ZNRF3: variants seen among roughly 807,000 people sequenced by gnomAD.
The protein encoded by ZNRF3 is E3 ubiquitin-protein ligase ZNRF3.
ZNRF3 carries 23 observed loss-of-function variants against 72.5 expected under a neutral mutation model. The ratio of observed to expected loss-of-function variants is 0.32; its 90% confidence interval spans 0.23 to 0.45. ZNRF3 has a LOEUF of 0.45. Ranked by LOEUF, ZNRF3 falls within the 20% of genes least tolerant of loss-of-function variation. The pLI is 1.00. For synonymous variants in ZNRF3, 610 were observed against 545.3 expected, an observed-to-expected ratio of 1.12 and a Z score of -1.65; for missense variants, 1,169 against 1,272.1, an observed-to-expected ratio of 0.92 and a Z score of 1.23.
At chr22:29,001,554 C>T (rs1214634356) in intron 2 of ZNRF3, among the ~76,000 whole-genome samples, 1 of 151,574 alleles carries the variant, frequency 6.6e-6, no homozygotes, top group African/African-American at 2.4e-5. Flanking sequence ...TCACTGCAAC[C>T]TCCACCTCCT....
intron 2 of ZNRF3, among the ~76,000 whole-genome samples, chr22:28,994,268 CCT>C (rs2036012773): frequency 7.0e-6 from 1 of 142,004 alleles, no homozygotes; most frequent in Non-Finnish European, 1.5e-5. Context: ...CTCACTGCAA[CCT>C]CCGCCTCCCG....
At chr22:28,998,313 G>C (rs1316316237) in intron 2 of ZNRF3, among the ~76,000 whole-genome samples, 1 of 151,914 alleles carries the variant, frequency 6.6e-6, no homozygotes, top group Admixed American at 6.6e-5. Flanking sequence ...AAAAAAGTAT[G>C]TAAAGTTCTT....
chr22:28,982,700 T>C (rs1210201454), intron 1 of ZNRF3, among the ~76,000 whole-genome samples: 1 of 152,102 alleles, frequency 6.6e-6, no homozygotes, highest in Non-Finnish European at 1.5e-5. Context: ...GAATACTCCA[T>C]CCTTGGGACA....
Position 29,049,248 on chromosome 22 carries a change from G to A in ZNRF3, c.1067G>A (p.Arg356His), listed in dbSNP as rs1346706630. ...TGTGTGGAGACCAGCAACCTCTCAC[G>A]TGGTCGGCAGCAGAGGGTGACCCTG... ...AVCVETSNLSRGRQQRVTLPV... is the reference protein window; with the variant it reads ...AVCVETSNLSHGRQQRVTLPV... The change falls in exon 8 of 9, where the codon CGT (arginine) becomes CAT (histidine). Residue 356 changes from arginine (R) to histidine (H), a missense_variant. Coordinates refer to ENST00000544604, the MANE Select transcript of ZNRF3 (RefSeq NM_001206998.2). The surrounding 1 kb of genome is among the most constrained non-coding windows in gnomAD (Gnocchi z 5.2). 3.7e-6 allele frequency: 6 copies of A among 1,613,222 alleles called. No homozygotes were observed. Among genetic ancestry groups the A allele is most frequent in the Non-Finnish European group, 4.2e-6 (5 of 1,179,564 alleles).
chr22:29,032,298 G>A (rs1488110994), intron 2 of ZNRF3, among the ~76,000 whole-genome samples: 1 of 152,184 alleles, frequency 6.6e-6, no homozygotes, highest in African/African-American at 2.4e-5. Flanking sequence ...TCCCATTCCT[G>A]CAGAATGGAT....
chr22:28,906,603 T>G (rs1165742848), intron 1 of ZNRF3, among the ~76,000 whole-genome samples: 1 of 152,220 alleles, frequency 6.6e-6, no homozygotes, highest in African/African-American at 2.4e-5. Flanking sequence ...ATGTAAGGTG[T>G]ACATTAAGTG....
chr22:29,039,971 G>C (rs1038350868), intron 2 of ZNRF3, among the ~76,000 whole-genome samples: 1 of 151,992 alleles, frequency 6.6e-6, no homozygotes, highest in Non-Finnish European at 1.5e-5. Context: ...TAGAAAGATA[G>C]ATAGCTCTAT....
chr22:29,053,804 A>T lies in ZNRF3; in HGVS notation c.*182A>T. On this transcript the variant is annotated 3_prime_UTR_variant, in exon 9 of 9. Coordinates refer to ENST00000544604, the MANE Select transcript of ZNRF3 (RefSeq NM_001206998.2). ...CTGTGGCAAAACCACCCCCTACCCC[A>T]TTAACAAATCAACAGACAAAATTCT... 1.9e-6 allele frequency: 1 copy of T among 539,110 alleles called. No individual in the cohort carries two copies. The highest frequency in any genetic ancestry group is 3.3e-6 in the Non-Finnish European group (1 of 307,062). 33.4% of individuals were successfully genotyped at this position (539,110 alleles called of 1,614,324 possible).
chr22:28,887,207 T>TTA (rs199966422), intron 1 of ZNRF3, among the ~76,000 whole-genome samples: 2,489 of 150,468 alleles, frequency 0.017, 73 homozygotes, highest in African/African-American at 0.059. Flanking sequence ...CCCCTCCTTA[T>TTA]TATATGCCAA....
intron 1 of ZNRF3, among the ~76,000 whole-genome samples, chr22:28,952,057 T>C (rs1456119666): frequency 1.3e-5 from 2 of 152,364 alleles, no homozygotes; most frequent in African/African-American, 2.4e-5. Flanking sequence ...GCATTCTCCA[T>C]GGGACCCTCC....
chr22:28,902,629 G>A (rs1223061840), intron 1 of ZNRF3, among the ~76,000 whole-genome samples: 2 of 152,206 alleles, frequency 1.3e-5, no homozygotes, highest in Non-Finnish European at 2.9e-5. Context: ...AGGCTGCAGA[G>A]TGCTGAGTCT....
intron 1 of ZNRF3, among the ~76,000 whole-genome samples, chr22:28,952,536 A>G (rs995189125): frequency 1.7e-5 from 2 of 115,942 alleles, no homozygotes; most frequent in Non-Finnish European, 3.7e-5. Flanking sequence ...GTTCTTTTGT[A>G]TATTAGCAAC....
intron 1 of ZNRF3, among the ~76,000 whole-genome samples, chr22:28,892,181 G>A (rs2033899838): frequency 6.6e-6 from 1 of 152,224 alleles, no homozygotes; most frequent in Non-Finnish European, 1.5e-5. Flanking sequence ...ATGCCTCAGT[G>A]GGCAAACATT....
intron 1 of ZNRF3, among the ~76,000 whole-genome samples, chr22:28,907,596 C>G (rs2034235456): frequency 6.6e-6 from 1 of 152,258 alleles, no homozygotes; most frequent in Admixed American, 6.5e-5. Flanking sequence ...ATTTGGTTTT[C>G]CAACCCAGCA....
At chr22:29,010,505 A>G (rs1046295490) in intron 2 of ZNRF3, among the ~76,000 whole-genome samples, 2 of 152,260 alleles carry the variant, frequency 1.3e-5, no homozygotes, top group African/African-American at 2.4e-5. Flanking sequence ...TCATCTATCT[A>G]TGGACACTTA....
At position 29,049,269 on chromosome 22, in the gene ZNRF3, C is replaced by A. The variant is rs754593920; in HGVS notation, c.1088C>A (p.Thr363Asn). Residue 363 changes from threonine (T) to asparagine (N), a missense_variant, in exon 8 of 9, where the codon ACC (threonine) becomes AAC (asparagine). Around this residue, in one of 2 missense-constraint regions of ZNRF3, gnomAD observed 386 missense variants for 540.7 expected, o/e 0.71. Coordinates refer to ENST00000544604, the MANE Select transcript of ZNRF3 (RefSeq NM_001206998.2). The surrounding 1 kb of genome is among the most constrained non-coding windows in gnomAD (Gnocchi z 5.2). ...TCACGTGGTCGGCAGCAGAGGGTGACCCTGCCGGTGCATTACCCCGGCCGC... is the reference window on the plus strand; with the variant it reads ...TCACGTGGTCGGCAGCAGAGGGTGAACCTGCCGGTGCATTACCCCGGCCGC... The part of the protein sequence containing the change: ...NLSRGRQQRV[T>N]LPVHYPGRVH... 6.2e-7 allele frequency: 1 copy of A among 1,613,904 alleles called. No individual in the cohort carries two copies. Among genetic ancestry groups the A allele is most frequent in the East Asian group, 2.2e-5 (1 of 44,874 alleles).
chr22:29,019,757 A>G (rs1386195023), intron 2 of ZNRF3, among the ~76,000 whole-genome samples: 1 of 152,174 alleles, frequency 6.6e-6, no homozygotes, highest in African/African-American at 2.4e-5. Context: ...ACAACCCTAT[A>G]AAGTACAATC....
At chr22:28,941,655 C>T (rs2034949452) in intron 1 of ZNRF3, among the ~76,000 whole-genome samples, 1 of 152,154 alleles carries the variant, frequency 6.6e-6, no homozygotes. Flanking sequence ...ATGGCTCACA[C>T]CTGTAATCCG....
chr22:29,037,302 G>A (rs993196660), intron 2 of ZNRF3, among the ~76,000 whole-genome samples: 4 of 152,282 alleles, frequency 2.6e-5, no homozygotes, highest in Admixed American at 6.5e-5. Flanking sequence ...GGAATTCCTG[G>A]TAAGTGGTGG....
Sources: gnomAD v4.1 joint callset for allele counts (sites outside exome capture counted in the v4.1 genomes callset) on GRCh38, gnomAD v4.1.1 for gene constraint, gnomAD v4.1.1 regional missense constraint, Gnocchi (gnomAD v3.1) non-coding constraint, MANE v1.5 for transcripts, NCBI Gene and HGNC (gene_info 2026-07-23, HGNC 2026-07-21) for gene names.